The following TTLL11 variants were observed in gnomAD, a reference collection of about 807,000 sequenced individuals.
TTLL11 encodes the protein tubulin tyrosine ligase like 11, also known as tubulin polyglutamylase TTLL11.
In TTLL11, 42 loss-of-function variants were observed where a neutral mutation model predicts 51.7. The ratio of observed to expected loss-of-function variants is 0.81; its 90% confidence interval spans 0.64 to 1.05. TTLL11 has a LOEUF of 1.05. Among genes scored for constraint, TTLL11 ranks in the 50% least tolerant of loss-of-function variants. The probability of loss-of-function intolerance (pLI) is 0.00; values close to 1 mark genes in which losing one functional copy is unlikely to be tolerated. For synonymous variants in TTLL11, 381 were observed against 383.5 expected, an observed-to-expected ratio of 0.99 and a Z score of 0.08; for missense variants, 799 against 940.4, an observed-to-expected ratio of 0.85 and a Z score of 1.97.
chr9:121,996,228 C>T (rs1390196551), intron 3 of TTLL11, among the ~76,000 whole-genome samples: 1 of 152,186 alleles, frequency 6.6e-6, no homozygotes, highest in Non-Finnish European at 1.5e-5. Flanking sequence ...TCTCTCACCT[C>T]TATGCCTTTA....
intron 3 of TTLL11, among the ~76,000 whole-genome samples, chr9:122,016,827 A>C (rs1479985452): frequency 6.6e-6 from 1 of 152,214 alleles, no homozygotes; most frequent in East Asian, 1.9e-4. Context: ...TACTGTTTTG[A>C]TAACAAAACT....
At chr9:121,991,918 G>C (rs1843126178) in intron 3 of TTLL11, among the ~76,000 whole-genome samples, 1 of 152,132 alleles carries the variant, frequency 6.6e-6, no homozygotes, top group Non-Finnish European at 1.5e-5. Flanking sequence ...CTGGCAGTAT[G>C]GTCAGGATGA....
intron 6 of TTLL11, among the ~76,000 whole-genome samples, chr9:121,907,147 G>A (rs1325446628): frequency 1.3e-5 from 2 of 151,986 alleles, no homozygotes; most frequent in Non-Finnish European, 2.9e-5. Context: ...AGTCCACCAG[G>A]GTCTGTGGCA....
chr9:122,066,695 G>A (rs1194619799), intron 1 of TTLL11, among the ~76,000 whole-genome samples: 2 of 152,142 alleles, frequency 1.3e-5, no homozygotes, highest in African/African-American at 4.8e-5. Context: ...TTGATATCCA[G>A]GAATGTTCTG....
chr9:121,880,622 C>T (rs1480100069), intron 6 of TTLL11, among the ~76,000 whole-genome samples: 1 of 152,208 alleles, frequency 6.6e-6, no homozygotes, highest in Non-Finnish European at 1.5e-5. Context: ...TAACTGTCTG[C>T]TTAATGCCTA....
chr9:122,057,182 T>A (rs147244304), intron 1 of TTLL11, among the ~76,000 whole-genome samples: 1 of 152,152 alleles, frequency 6.6e-6, no homozygotes, highest in African/African-American at 2.4e-5. Context: ...TTACTGCCTG[T>A]AGATTTAAAT....
Position 121,939,726 on chromosome 9 carries a change from CA to C in TTLL11, c.1481+34282del, listed in dbSNP as rs562338870. ...TTTTGTAATTTTATAAAAGCAAGAA[CA>C]AAACAAAACTTCAGACCCCAGCACT... On this transcript the variant is annotated intron_variant, in intron 6 of 8. Transcript: ENST00000321582. Among the ~76,000 whole-genome samples, 68 of 152,114 alleles carry C rather than the reference CA, an allele frequency of 4.5e-4. No individual in the cohort carries two copies. In the Middle Eastern group the frequency reaches 0.01, roughly 23 times the overall value.
intron 6 of TTLL11, among the ~76,000 whole-genome samples, chr9:121,903,026 A>G (rs972259606): frequency 4.6e-5 from 7 of 152,126 alleles, no homozygotes; most frequent in African/African-American, 1.7e-4. Context: ...TGACTACTGT[A>G]ACCACATTTC....
chr9:121,989,878 C>A lies in TTLL11; in HGVS notation c.694-108G>T. 1.3e-6 allele frequency: 2 copies of A among 1,504,972 alleles called. No individual in the cohort carries two copies. The highest frequency in any genetic ancestry group is 1.8e-6 in the Non-Finnish European group (2 of 1,136,688). 93.2% of individuals were successfully genotyped at this position (1,504,972 alleles called of 1,614,324 possible). A position where few individuals can be genotyped will look rare whatever the true frequency, so the allele number is the denominator to read the frequency against. On this transcript the variant is annotated intron_variant, in intron 3 of 8. Transcript: ENST00000321582. The surrounding 1 kb of genome is among the most constrained non-coding windows in gnomAD (Gnocchi z 4.2). The stretch of plus-strand genomic sequence containing the variant: ...TGGTGAATGAGTGACAAGATGATCC[C>A]TGCCGATCTGAGCAGGGGCTGAGCA...
At position 122,093,292 on chromosome 9, in the gene TTLL11, G is replaced by C; in HGVS notation, c.-144C>G. 2 of 1,574,346 alleles carry C rather than the reference G, an allele frequency of 1.3e-6. No individual in the cohort carries two copies. Among genetic ancestry groups the C allele is most frequent in the South Asian group, 2.3e-5 (2 of 88,656 alleles). ...CCGTTGCCATGATCGCTCAGGCTCGGGTTGACAGCGGCAGTCACCGCATCG... is the reference window on the plus strand; with the variant it reads ...CCGTTGCCATGATCGCTCAGGCTCGCGTTGACAGCGGCAGTCACCGCATCG... On this transcript the variant is annotated 5_prime_UTR_variant, in exon 1 of 9. Transcript: ENST00000321582.
At chr9:122,002,374 CA>C (rs1304657530) in intron 3 of TTLL11, among the ~76,000 whole-genome samples, 1 of 152,188 alleles carries the variant, frequency 6.6e-6, no homozygotes, top group Non-Finnish European at 1.5e-5. Flanking sequence ...GGTCTTAGGA[CA>C]GGGAGGGAAG....
At chr9:121,918,839 A>G (rs1422022439) in intron 6 of TTLL11, among the ~76,000 whole-genome samples, 3 of 152,244 alleles carry the variant, frequency 2.0e-5, no homozygotes, top group African/African-American at 7.2e-5. Flanking sequence ...GTCACTAACA[A>G]GTGTTGAGTG....
At chr9:121,998,026 C>T (rs575807554) in intron 3 of TTLL11, among the ~76,000 whole-genome samples, 1 of 152,322 alleles carries the variant, frequency 6.6e-6, no homozygotes, top group South Asian at 2.1e-4. Flanking sequence ...GCTGAGCCTG[C>T]CTGGAACATA....
At chr9:121,943,172 G>A (rs529654537) in intron 6 of TTLL11, among the ~76,000 whole-genome samples, 48 of 152,290 alleles carry the variant, frequency 3.2e-4, no homozygotes, top group African/African-American at 1.1e-3. Context: ...AGTGAGCACC[G>A]CTGACCAATG....
chr9:121,921,295 T>C (rs1282605817), intron 6 of TTLL11, among the ~76,000 whole-genome samples: 1 of 152,216 alleles, frequency 6.6e-6, no homozygotes, highest in Non-Finnish European at 1.5e-5. Context: ...CCAAGAAGTA[T>C]TCATATCACA....
intron 6 of TTLL11, among the ~76,000 whole-genome samples, chr9:121,936,351 T>C (rs1180097434): frequency 6.6e-6 from 1 of 152,012 alleles, no homozygotes; most frequent in Non-Finnish European, 1.5e-5. Flanking sequence ...GCAGCCTCGA[T>C]GTCCCAGGTT....
intron 6 of TTLL11, among the ~76,000 whole-genome samples, chr9:121,888,993 T>A (rs1258364757): frequency 6.6e-6 from 1 of 152,232 alleles, no homozygotes. Context: ...AGCTCCCAAA[T>A]GCTAGAGCAT....
chr9:121,912,581 T>A (rs1411886330), intron 6 of TTLL11, among the ~76,000 whole-genome samples: 1 of 152,152 alleles, frequency 6.6e-6, no homozygotes, highest in African/African-American at 2.4e-5. Context: ...ATACCTTATA[T>A]ACACATCCAC....
intron 4 of TTLL11, among the ~76,000 whole-genome samples, chr9:121,984,044 C>G (rs544063228): frequency 6.6e-6 from 1 of 152,024 alleles, no homozygotes; most frequent in South Asian, 2.1e-4. Context: ...GCCAGGTCAG[C>G]CGAGACAGAA....
Sources: gnomAD v4.1 joint callset for allele counts (sites outside exome capture counted in the v4.1 genomes callset) on GRCh38, gnomAD v4.1.1 for gene constraint, Gnocchi (gnomAD v3.1) non-coding constraint, MANE v1.5 for transcripts, NCBI Gene and HGNC (gene_info 2026-07-23, HGNC 2026-07-21) for gene names.